Variants in LMNA observed in about 807,000 individuals in gnomAD.
LMNA encodes lamin A/C, also known as lamin.
Under a neutral mutation model 70.4 loss-of-function variants are expected in LMNA, and 20 were observed. That is an observed-to-expected ratio of 0.28 (90% CI 0.20 to 0.41). The LOEUF (loss-of-function observed/expected upper bound fraction) is 0.41. Among genes scored for constraint, LMNA ranks in the 10% least tolerant of loss-of-function variants. The probability of loss-of-function intolerance (pLI) is 1.00; values close to 1 mark genes in which losing one functional copy is unlikely to be tolerated. For synonymous variants in LMNA, 339 were observed against 372.8 expected (o/e 0.91, Z 1.04); for missense variants, 652 against 917.2 (o/e 0.71, Z 3.73).
upstream of LMNA, among the ~76,000 whole-genome samples, chr1:156,111,320 A>G (rs542594917): frequency 6.6e-6 from 1 of 151,842 alleles, no homozygotes; most frequent in South Asian, 2.1e-4. Context: ...GTGGTGGCAC[A>G]CGCCTGTAAT....
chr1:156,134,851 T>C lies in LMNA; in HGVS notation c.686T>C (p.Ile229Thr), dbSNP rs727505357. 4.3e-6 allele frequency: 7 copies of C among 1,614,156 alleles called. No homozygotes were observed. The highest frequency in any genetic ancestry group is 2.2e-5 in the East Asian group (1 of 44,878). ...KRRHETRLVE[I>T]DNGKQREFES... The stretch of plus-strand genomic sequence containing the variant: ...CGTCATGAGACCCGACTGGTGGAGA[T>C]TGACAATGGGAAGCAGCGTGAGTTT... The change falls in exon 4 of 12, where the codon ATT (isoleucine) becomes ACT (threonine). Residue 229 changes from isoleucine to threonine, a missense_variant. Physicochemically the swap from Ile to Thr is moderately conservative, Grantham distance 89. This residue lies in a region of LMNA where 254 missense variants were observed against 421.9 expected (regional missense o/e 0.60). Coordinates refer to ENST00000368300, the MANE Select transcript of LMNA (RefSeq NM_170707.4). The surrounding 1 kb of genome is among the most constrained non-coding windows in gnomAD (Gnocchi z 5.3).
intron 2 of LMNA, among the ~76,000 whole-genome samples, chr1:156,133,722 C>T (rs1452082463): frequency 6.6e-6 from 1 of 152,158 alleles, no homozygotes; most frequent in Admixed American, 6.5e-5. Flanking sequence ...CTTCCCACCC[C>T]GTACTTCAGG....
At chr1:156,132,288 G>A (rs1651142148) in intron 2 of LMNA, among the ~76,000 whole-genome samples, 1 of 151,998 alleles carries the variant, frequency 6.6e-6, no homozygotes, top group African/African-American at 2.4e-5. Flanking sequence ...TGGCCAACAT[G>A]GTGAAACCCC....
chr1:156,118,936 G>A (rs919011508), intron 1 of LMNA, among the ~76,000 whole-genome samples: 4 of 151,934 alleles, frequency 2.6e-5, no homozygotes, highest in African/African-American at 4.8e-5. Context: ...AACCCCTTTC[G>A]CCAATACTCT....
In LMNA at chr1:156,115,005, G is replaced by T; in HGVS notation, c.87G>T (p.Leu29=). ...TGTCGCCCACCCGCATCACCCGGCT[G>T]CAGGAGAAGGAGGACCTGCAGGAGC... ...TPLSPTRITR[L]QEKEDLQELN... Residue 29 remains leucine (L), a synonymous_variant, in exon 1 of 12, where the codon CTG becomes CTT. Coordinates refer to ENST00000368300, the MANE Select transcript of LMNA (RefSeq NM_170707.4). This position sits in a 1 kb window ranked among gnomAD's most constrained non-coding sequence, Gnocchi z 5.8. The T allele has an allele frequency of 6.2e-7, 1 of 1,600,754 alleles. No homozygotes were observed. Among genetic ancestry groups the T allele is most frequent in the Admixed American group, 1.7e-5 (1 of 58,526 alleles).
intron 3 of LMNA, chr1:156,090,926 T>A (rs1035930126): frequency 6.6e-6 from 1 of 152,198 alleles, no homozygotes; most frequent in Non-Finnish European, 1.5e-5. Context: ...GGCTCCAGCC[T>A]CAGCGCCCTC....
In LMNA at chr1:156,130,760, G is replaced by C; in HGVS notation, c.500G>C (p.Gly167Ala). The change falls in exon 2 of 12, where the codon GGC (glycine) becomes GCC (alanine). Residue 167 changes from glycine to alanine, a missense_variant. Transcript: ENST00000368300. ...GAGGGCGAGCTGCATGATCTGCGGG[G>C]CCAGGTGGCCAAGGTGAGGCCACCC... is the stretch of plus-strand genomic sequence containing the variant. ...TLEGELHDLR[G>A]QVAKLEAALG... The C allele has an allele frequency of 6.3e-7, 1 of 1,587,194 alleles. No homozygotes were observed. Among genetic ancestry groups the C allele is most frequent in the South Asian group, 1.1e-5 (1 of 88,296 alleles).
intron 1 of LMNA, among the ~76,000 whole-genome samples, chr1:156,125,038 C>T (rs1650459561): frequency 6.6e-6 from 1 of 152,154 alleles, no homozygotes. Flanking sequence ...CTACCCGTCT[C>T]CAGGCTTTAG....
intron 1 of LMNA, among the ~76,000 whole-genome samples, chr1:156,121,827 T>A (rs895544914): frequency 1.3e-5 from 2 of 152,078 alleles, no homozygotes; most frequent in African/African-American, 4.8e-5. Flanking sequence ...ATAGGAGATC[T>A]CTGGAAGATT....
intron 1 of LMNA, among the ~76,000 whole-genome samples, chr1:156,125,846 A>G (rs1558122575): frequency 6.6e-6 from 1 of 151,384 alleles, no homozygotes; most frequent in African/African-American, 2.4e-5. Context: ...AAAATTAGCT[A>G]GGCATGGTGG....
At chr1:156,133,845 C>T (rs1442814108) in intron 2 of LMNA, among the ~76,000 whole-genome samples, 1 of 152,130 alleles carries the variant, frequency 6.6e-6, no homozygotes, top group African/African-American at 2.4e-5. Context: ...CTCTGTAGGC[C>T]CCGCTAGCCT....
rs1449617118 is a variant in LMNA at position 156,137,303 on chromosome 1, C to T, written c.1608+71C>T. 2.0e-6 allele frequency: 3 copies of T among 1,533,066 alleles called. No homozygotes were observed. The highest frequency in any genetic ancestry group is 2.7e-5 in the African/African-American group (2 of 72,962). The allele number at this position is 1,533,066 out of a possible 1,614,324, so 95.0% of individuals were successfully genotyped here. A position where few individuals can be genotyped will look rare whatever the true frequency, so the allele number is the denominator to read the frequency against. ...GATGGCCAACATCGGAGCCAGCTGCCCCCAACCCAAGTTTGCCAATTCAGG... is the reference window on the plus strand; with the variant it reads ...GATGGCCAACATCGGAGCCAGCTGCTCCCAACCCAAGTTTGCCAATTCAGG... On this transcript the variant is annotated intron_variant, in intron 9 of 11. Coordinates refer to ENST00000368300, the MANE Select transcript of LMNA (RefSeq NM_170707.4). This position sits in a 1 kb window ranked among gnomAD's most constrained non-coding sequence, Gnocchi z 4.6.
chr1:156,113,935 G>A (rs1452366576), upstream of LMNA, among the ~76,000 whole-genome samples: 1 of 152,166 alleles, frequency 6.6e-6, no homozygotes, highest in Non-Finnish European at 1.5e-5. Context: ...AGATGGAAGG[G>A]GCAGTGCCTG....
chr1:156,101,142 G>A (rs1310215099), intron 3 of LMNA, among the ~76,000 whole-genome samples: 4 of 152,314 alleles, frequency 2.6e-5, no homozygotes, highest in Non-Finnish European at 5.9e-5. Context: ...ACAATGTGGA[G>A]CCACTGTTAG....
In LMNA at chr1:156,114,734, T is replaced by A; in HGVS notation, c.-185T>A. 3.5e-6 allele frequency: 2 copies of A among 570,726 alleles called. No homozygotes were observed. Among genetic ancestry groups the A allele is most frequent in the Non-Finnish European group, 6.1e-6 (2 of 326,990 alleles). The allele number at this position is 570,726 out of a possible 1,614,324, so 35.4% of individuals were successfully genotyped here. On this transcript the variant is annotated 5_prime_UTR_variant, in exon 1 of 12. Transcript: ENST00000368300. Reference sequence around the variant, plus strand: ...TCAGTGTTCGCGGGAGCGCCGCACCTACACCAGCCAACCCAGATCCCGAGG... The same window carrying A: ...TCAGTGTTCGCGGGAGCGCCGCACCAACACCAGCCAACCCAGATCCCGAGG...
intron 3 of LMNA, among the ~76,000 whole-genome samples, chr1:156,102,931 G>A (rs1274993064): frequency 3.3e-5 from 5 of 152,182 alleles, no homozygotes; most frequent in African/African-American, 7.2e-5. Context: ...CCCACCCTTC[G>A]GGTCTGCCTT....
At position 156,126,904 on chromosome 1, in the gene LMNA, A is replaced by G. The variant is rs758518801; in HGVS notation, c.357-3713A>G. ...CCTGGGGCAGGACACGGGCGAAGCC[A>G]GGGTCTCCCCTGTGAGCACTAGAGG... On this transcript the variant is annotated intron_variant, in intron 1 of 11. Transcript: ENST00000368300. 3 of 1,606,154 alleles carry G rather than the reference A, an allele frequency of 1.9e-6. No individual in the cohort carries two copies. The African/African-American group carries it at 4.0e-5, about 21-fold the overall frequency.
intron 1 of LMNA, among the ~76,000 whole-genome samples, chr1:156,116,167 G>A (rs1156597214): frequency 6.6e-6 from 1 of 152,182 alleles, no homozygotes; most frequent in Non-Finnish European, 1.5e-5. Context: ...TCCCTCCTTG[G>A]GGTGAGCCAC....
chr1:156,108,568 G>A (rs1201011608), intron 3 of LMNA, among the ~76,000 whole-genome samples: 2 of 152,118 alleles, frequency 1.3e-5, no homozygotes, highest in Admixed American at 6.6e-5. Context: ...GAGGTCAGGA[G>A]TTACATGGTG....
Sources: allele counts gnomAD v4.1 joint callset (sites outside exome capture counted in the v4.1 genomes callset), GRCh38; gene constraint gnomAD v4.1.1; regional missense constraint gnomAD v4.1.1; non-coding constraint Gnocchi (gnomAD v3.1); transcripts MANE v1.5; gene names NCBI Gene and HGNC (gene_info 2026-07-23, HGNC 2026-07-21).